ZFHX3: variants seen among roughly 807,000 people sequenced by gnomAD.
ZFHX3 encodes the protein zinc finger homeobox protein 3.
ZFHX3 carries 42 observed loss-of-function variants against 279.1 expected under a neutral mutation model. The observed-to-expected ratio is 0.15, with a 90% CI of 0.12 to 0.19. The LOEUF is 0.19. Ranked by LOEUF, ZFHX3 falls within the 10% of genes least tolerant of loss-of-function variation. The pLI, the probability that ZFHX3 is intolerant of heterozygous loss-of-function variation, is 1.00. For missense variants in ZFHX3, 4,981 were observed against 4,754.0 expected, an observed-to-expected ratio of 1.05 and a Z score of -1.40; for synonymous variants, 2,293 against 1,957.8, an observed-to-expected ratio of 1.17 and a Z score of -4.52.
chr16:73,088,390 C>T (rs1474501311), intron 8 of ZFHX3, among the ~76,000 whole-genome samples: 3 of 152,260 alleles, frequency 2.0e-5, no homozygotes, highest in East Asian at 3.9e-4. Flanking sequence ...TGGGCTCAAG[C>T]GATCCACATG....
chr16:73,775,739 G>C lies in ZFHX3; in HGVS notation c.-1607-95499C>G, dbSNP rs953026222. Among the ~76,000 whole-genome samples the C allele has an allele frequency of 2.6e-5, 4 of 152,164 alleles. No individual in the cohort carries two copies. The South Asian group carries it at 8.3e-4, about 32-fold the overall frequency. The stretch of plus-strand genomic sequence containing the variant: ...GAGCCTTAGAAATTTGTAAAAGGCT[G>C]CTCCATTTTTTAATAAGGCAGGTGT... On this transcript the variant is annotated intron_variant, in intron 1 of 17. Transcript: ENST00000641206.
intron 4 of ZFHX3, among the ~76,000 whole-genome samples, chr16:73,300,595 C>A (rs1029889479): frequency 6.6e-5 from 10 of 152,210 alleles, no homozygotes; most frequent in African/African-American, 2.4e-4. Context: ...CCTCTGCTCC[C>A]CAGGTTCAGG....
rs868585650 is a variant in ZFHX3, at chr16:73,872,196, A to G, written c.-1608+19455T>C. On this transcript the variant is annotated intron_variant, in intron 1 of 17. Transcript: ENST00000641206. ...TTCTGAATGCTGCTTATTCTCCAAT[A>G]TGGCTGCTGTCCTCCAATCACTCCC... Among the ~76,000 whole-genome samples the G allele has an allele frequency of 2.0e-5, 3 of 151,964 alleles. No individual in the cohort carries two copies. In the South Asian group the frequency reaches 6.2e-4, roughly 32 times the overall value.
intron 4 of ZFHX3, among the ~76,000 whole-genome samples, chr16:73,313,695 C>T (rs2015380341): frequency 6.6e-6 from 1 of 152,184 alleles, no homozygotes; most frequent in African/African-American, 2.4e-5. Context: ...AAAAATGGCA[C>T]AAACATGTAC....
chr16:73,395,030 G>C (rs2017099522), intron 3 of ZFHX3, among the ~76,000 whole-genome samples: 1 of 152,176 alleles, frequency 6.6e-6, no homozygotes, highest in Non-Finnish European at 1.5e-5. Flanking sequence ...GCCCCATAGA[G>C]AACATTTGGC....
intron 5 of ZFHX3, among the ~76,000 whole-genome samples, chr16:73,180,854 G>A (rs1338640726): frequency 6.6e-6 from 1 of 151,918 alleles, no homozygotes; most frequent in African/African-American, 2.4e-5. Flanking sequence ...GTTGAGACAG[G>A]GTTTCACCAT....
At chr16:73,677,137 T>A (rs1051488085) in intron 2 of ZFHX3, among the ~76,000 whole-genome samples, 3 of 151,974 alleles carry the variant, frequency 2.0e-5, no homozygotes, top group Non-Finnish European at 4.4e-5. Context: ...AAGATGTTTA[T>A]ACATACTATC....
At chr16:72,883,626 T>G (rs570064765) in intron 4 of ZFHX3, among the ~76,000 whole-genome samples, 2 of 152,378 alleles carry the variant, frequency 1.3e-5, no homozygotes, top group South Asian at 4.1e-4. Context: ...CTTTTCATGT[T>G]CATACATAAT....
chr16:73,046,454 T>A (rs527950013), intron 1 of ZFHX3, among the ~76,000 whole-genome samples: 90 of 152,216 alleles, frequency 5.9e-4, no homozygotes, highest in African/African-American at 2.1e-3. Context: ...CACTCTCGTG[T>A]CCTCCTCCAG....
At chr16:73,540,554 A>T (rs2019993339) in intron 2 of ZFHX3, among the ~76,000 whole-genome samples, 1 of 152,232 alleles carries the variant, frequency 6.6e-6, no homozygotes. Context: ...CAGGAAGAGG[A>T]TCAAGAGTTA....
intron 2 of ZFHX3, among the ~76,000 whole-genome samples, chr16:73,495,631 G>A (rs1022486305): frequency 7.2e-5 from 11 of 152,014 alleles, no homozygotes; most frequent in Non-Finnish European, 1.2e-4. Context: ...ACCTCAACAC[G>A]CTGGTCCCTA....
intron 7 of ZFHX3, among the ~76,000 whole-genome samples, chr16:72,803,256 C>T (rs1467363587): frequency 1.3e-5 from 2 of 152,064 alleles, no homozygotes; most frequent in Non-Finnish European, 2.9e-5. Flanking sequence ...TGCTTGAACC[C>T]GGGAGGCAGA....
At chr16:73,569,428 A>C (rs1321473929) in intron 2 of ZFHX3, among the ~76,000 whole-genome samples, 2 of 151,970 alleles carry the variant, frequency 1.3e-5, no homozygotes, top group African/African-American at 4.8e-5. Flanking sequence ...AAACTCCGAA[A>C]GAGATACCGA....
intron 2 of ZFHX3, among the ~76,000 whole-genome samples, chr16:73,659,230 T>C (rs1355633098): frequency 2.6e-5 from 4 of 152,172 alleles, no homozygotes; most frequent in Non-Finnish European, 5.9e-5. Context: ...AATTGGCCCT[T>C]ATGACAGGCA....
In ZFHX3 at chr16:73,668,213, C is replaced by G. The variant is rs551750698; in HGVS notation, c.-1547+11967G>C. On this transcript the variant is annotated intron_variant, in intron 2 of 17. Transcript: ENST00000641206. The stretch of plus-strand genomic sequence containing the variant: ...GAAATGTACTAGCCATTGTAAGTAT[C>G]CAGGAAGACAAAGAAATGTACAACT... Among the ~76,000 whole-genome samples the G allele has an allele frequency of 3.9e-5, 6 of 152,124 alleles. No individual in the cohort carries two copies. In the South Asian group the frequency reaches 1.2e-3, roughly 32 times the overall value.
At chr16:73,775,873 T>C (rs1959231257) in intron 1 of ZFHX3, among the ~76,000 whole-genome samples, 1 of 152,206 alleles carries the variant, frequency 6.6e-6, no homozygotes, top group African/African-American at 2.4e-5. Context: ...TCTGGAGAGG[T>C]TGAAAAATCT....
chr16:73,555,763 C>T (rs1238005327), intron 2 of ZFHX3, among the ~76,000 whole-genome samples: 7 of 150,790 alleles, frequency 4.6e-5, no homozygotes, highest in Admixed American at 2.6e-4. Context: ...ACTCAGGAGG[C>T]GGAGGTTGCA....
At chr16:73,764,645 C>T (rs2053908974) in intron 1 of ZFHX3, among the ~76,000 whole-genome samples, 1 of 152,098 alleles carries the variant, frequency 6.6e-6, no homozygotes, top group Admixed American at 6.5e-5. Flanking sequence ...TGTTCGTAGT[C>T]CAGCCATATA....
intron 4 of ZFHX3, among the ~76,000 whole-genome samples, chr16:72,880,546 T>C (rs2038437248): frequency 6.6e-6 from 1 of 152,156 alleles, no homozygotes; most frequent in Admixed American, 6.5e-5. Flanking sequence ...CGTCCAGAAC[T>C]GTGAGAAAAT....
Sources: gnomAD v4.1 joint callset for allele counts (sites outside exome capture counted in the v4.1 genomes callset) on GRCh38, gnomAD v4.1.1 for gene constraint, MANE v1.5 for transcripts, NCBI Gene and HGNC (gene_info 2026-07-23, HGNC 2026-07-21) for gene names.